The following ADARB2 variants were observed in gnomAD, a reference collection of about 807,000 sequenced individuals.
ADARB2 encodes the protein inactive double-stranded RNA-specific editase B2.
Under a neutral mutation model 62.2 loss-of-function variants are expected in ADARB2, and 25 were observed. That is an observed-to-expected ratio of 0.40 (90% CI 0.29 to 0.56). The LOEUF (loss-of-function observed/expected upper bound fraction) is 0.56, where lower values mean the gene tolerates loss of function less well. Ranked by LOEUF, ADARB2 falls within the 20% of genes least tolerant of loss-of-function variation. The pLI is 0.43. For synonymous variants in ADARB2, 572 were observed against 500.8 expected, an observed-to-expected ratio of 1.14 and a Z score of -1.90; for missense variants, 1,071 against 1,077.4, an observed-to-expected ratio of 0.99 and a Z score of 0.08.
At chr10:1,732,689 G>A (rs1051410571) in intron 1 of ADARB2, among the ~76,000 whole-genome samples, 2 of 152,250 alleles carry the variant, frequency 1.3e-5, no homozygotes, top group Admixed American at 6.5e-5. Flanking sequence ...CGGCGGTGCA[G>A]GACTGTGTCC....
intron 8 of ADARB2, chr10:1,186,656 G>A (rs974563625): frequency 1.9e-5 from 9 of 478,776 alleles, no homozygotes; most frequent in African/African-American, 5.9e-5. Context: ...TCGGGGGCCC[G>A]TCATGCATCA....
intron 1 of ADARB2, among the ~76,000 whole-genome samples, chr10:1,628,378 A>T (rs1833798961): frequency 6.6e-6 from 1 of 152,234 alleles, no homozygotes; most frequent in Non-Finnish European, 1.5e-5. Context: ...TAGGCTGTTA[A>T]TTATTGTTGT....
At chr10:1,620,641 T>C (rs1241129215) in intron 1 of ADARB2, among the ~76,000 whole-genome samples, 1 of 152,238 alleles carries the variant, frequency 6.6e-6, no homozygotes, top group African/African-American at 2.4e-5. Context: ...TAATATTATA[T>C]TGATAGCAAG....
intron 1 of ADARB2, among the ~76,000 whole-genome samples, chr10:1,585,734 A>G (rs987041145): frequency 6.6e-6 from 1 of 152,166 alleles, no homozygotes; most frequent in Non-Finnish European, 1.5e-5. Flanking sequence ...TCTCCCTGAA[A>G]TCTATAAAAC....
intron 1 of ADARB2, among the ~76,000 whole-genome samples, chr10:1,735,676 C>G (rs1010162866): frequency 6.6e-6 from 1 of 152,154 alleles, no homozygotes. Context: ...CAAAGTGAAT[C>G]GCAAGCGCAC....
At chr10:1,576,572 T>C (rs4995171) in intron 1 of ADARB2, among the ~76,000 whole-genome samples, 42,570 of 152,072 alleles carry the variant, frequency 0.28, 6,202 homozygotes, top group South Asian at 0.34. Context: ...TAAGCAGTGC[T>C]AGGTCTGTGT....
Position 1,334,426 on chromosome 10 carries a change from A to G in ADARB2, c.1077+28602T>C, listed in dbSNP as rs1040046079. Among the ~76,000 whole-genome samples the G allele has an allele frequency of 2.6e-5, 4 of 152,216 alleles. No homozygotes were observed. In the East Asian group the frequency reaches 7.7e-4, roughly 29 times the overall value. ...TTCCTACAGAGAAATATGCTTCCAG[A>G]GAGTAGGAATATTTCTCCACACGTG... On this transcript the variant is annotated intron_variant, in intron 3 of 9. Transcript: ENST00000381312.
intron 1 of ADARB2, among the ~76,000 whole-genome samples, chr10:1,439,595 G>C (rs1375183176): frequency 1.3e-5 from 1 of 77,694 alleles, no homozygotes; most frequent in Non-Finnish European, 3.4e-5. Context: ...TCTCTCCCAG[G>C]ATGGAGGCAG....
chr10:1,375,382 T>C (rs1832413127), intron 2 of ADARB2, among the ~76,000 whole-genome samples: 1 of 152,188 alleles, frequency 6.6e-6, no homozygotes, highest in Non-Finnish European at 1.5e-5. Context: ...CAGACCAGCC[T>C]GTGGGTGATG....
At chr10:1,266,041 A>G (rs1831195647) in intron 4 of ADARB2, among the ~76,000 whole-genome samples, 1 of 125,736 alleles carries the variant, frequency 8.0e-6, no homozygotes, top group Non-Finnish European at 1.6e-5. Flanking sequence ...GTCCCCCGGA[A>G]GACGGCCTGA....
rs144679052 is a variant in ADARB2 at position 1,311,576 on chromosome 10, A to G, written c.1078-40507T>C. ...CAGAGGATAGGTGAAGACCTGGCCA[A>G]GGCGCCTAGAGTGTCCCCCTGCCTG... On this transcript the variant is annotated intron_variant, in intron 3 of 9. Transcript: ENST00000381312. Among the ~76,000 whole-genome samples the G allele has an allele frequency of 5.0e-3, 762 of 152,256 alleles. 5 individuals are homozygous for G. The highest frequency in any genetic ancestry group is 0.017 in the African/African-American group (721 of 41,544).
intron 1 of ADARB2, among the ~76,000 whole-genome samples, chr10:1,571,682 G>GCAGGTGAGTGGA (rs199985029): frequency 6.7e-6 from 1 of 149,686 alleles, no homozygotes; most frequent in Non-Finnish European, 1.5e-5. Context: ...AGGTGAGTGT[G>GCAGGTGAGTGGA]CAGGTGAGTG....
intron 1 of ADARB2, among the ~76,000 whole-genome samples, chr10:1,702,904 A>G (rs1167001372): frequency 2.0e-5 from 3 of 152,274 alleles, no homozygotes; most frequent in Non-Finnish European, 4.4e-5. Context: ...TATAAGCAGT[A>G]AAGAATTAGC....
chr10:1,581,529 G>T (rs1422727032), intron 1 of ADARB2, among the ~76,000 whole-genome samples: 1 of 152,222 alleles, frequency 6.6e-6, no homozygotes, highest in Non-Finnish European at 1.5e-5. Context: ...ACCAGGTAAT[G>T]AGCCTGTACG....
intron 4 of ADARB2, among the ~76,000 whole-genome samples, chr10:1,260,630 C>A (rs1831127112): frequency 6.6e-6 from 1 of 151,846 alleles, no homozygotes; most frequent in Non-Finnish European, 1.5e-5. Flanking sequence ...GAAATACAAA[C>A]CACTGATCAA....
intron 1 of ADARB2, among the ~76,000 whole-genome samples, chr10:1,408,476 G>A (rs915837402): frequency 1.3e-5 from 2 of 152,096 alleles, no homozygotes; most frequent in Non-Finnish European, 2.9e-5. Context: ...TGCAATAGCT[G>A]AGCGAAAGGG....
chr10:1,334,686 T>C (rs575389215), intron 3 of ADARB2, among the ~76,000 whole-genome samples: 47 of 152,340 alleles, frequency 3.1e-4, no homozygotes, highest in African/African-American at 1.1e-3. Flanking sequence ...TAAAGTTTCT[T>C]CAAGAAGTCA....
At chr10:1,540,651 A>G (rs1832410154) in intron 1 of ADARB2, among the ~76,000 whole-genome samples, 1 of 97,522 alleles carries the variant, frequency 1.0e-5, no homozygotes, top group African/African-American at 3.5e-5. Flanking sequence ...GACCCCACTC[A>G]GACGCAGTTT....
rs538930926 is a variant in ADARB2 at position 1,214,691 on chromosome 10, C to T, written c.1682+2260G>A. On this transcript the variant is annotated intron_variant, in intron 7 of 9. Transcript: ENST00000381312. ...GGGCACCAGAGAGTAAATTTAGAAACCCAATGCTATCTTAGGGCACCAAGA... is the reference window on the plus strand; with the variant it reads ...GGGCACCAGAGAGTAAATTTAGAAATCCAATGCTATCTTAGGGCACCAAGA... Among the ~76,000 whole-genome samples, 32 of 152,360 alleles carry T rather than the reference C, an allele frequency of 2.1e-4. 2 individuals are homozygous for T. In the South Asian group the frequency reaches 3.1e-3, roughly 15 times the overall value.
Sources: gnomAD v4.1 joint callset for allele counts (sites outside exome capture counted in the v4.1 genomes callset) on GRCh38, gnomAD v4.1.1 for gene constraint, MANE v1.5 for transcripts, NCBI Gene and HGNC (gene_info 2026-07-23, HGNC 2026-07-21) for gene names.